The following PARN variants were observed in gnomAD, a reference collection of about 807,000 sequenced individuals.
PARN encodes the protein poly(A)-specific ribonuclease PARN.
Under a neutral mutation model 102.8 loss-of-function variants are expected in PARN, and 71 were observed. The ratio of observed to expected loss-of-function variants is 0.69; its 90% CI spans 0.57 to 0.84. The LOEUF is 0.84. Ranked by LOEUF, PARN falls within the 40% of genes least tolerant of loss-of-function variation. PARN has a pLI of 0.00. For synonymous variants in PARN, 261 were observed against 252.9 expected (o/e 1.03, Z -0.30); for missense variants, 782 against 760.9 (o/e 1.03, Z -0.33).
At chr16:14,551,738 G>T (rs1967315899) in intron 21 of PARN, among the ~76,000 whole-genome samples, 1 of 152,142 alleles carries the variant, frequency 6.6e-6, no homozygotes, top group African/African-American at 2.4e-5. Context: ...AAGTAAATCT[G>T]CAACTCACTT....
chr16:14,509,578 T>C (rs911721249), intron 21 of PARN, among the ~76,000 whole-genome samples: 3 of 152,188 alleles, frequency 2.0e-5, no homozygotes, highest in East Asian at 3.8e-4. Flanking sequence ...ATAAGATAGA[T>C]AACAAATTAT....
At position 14,627,127 on chromosome 16, in the gene PARN, T is replaced by C. The variant is rs774805226; in HGVS notation, c.306A>G (p.Pro102=). Residue 102 remains proline, a synonymous_variant, in exon 5 of 24, where the codon CCA becomes CCG. Coordinates refer to ENST00000437198, the MANE Select transcript of PARN (RefSeq NM_002582.4). ...VFPKPFNRSS[P]DVKFVCQSSS... is the part of the protein sequence containing the mutation. ...TTACCTGACAAACAAATTTGACATC[T>C]GGTGAGGATCTATTGAAGGGTTTCG... 1.4e-5 allele frequency: 22 copies of C among 1,599,626 alleles called. No homozygotes were observed. The highest frequency in any genetic ancestry group is 1.6e-4 in the Middle Eastern group (1 of 6,072).
intron 13 of PARN, among the ~76,000 whole-genome samples, chr16:14,587,980 C>G (rs1969961555): frequency 6.6e-6 from 1 of 152,200 alleles, no homozygotes; most frequent in Admixed American, 6.5e-5. Flanking sequence ...AATGGCTACA[C>G]CCCTTGTCCA....
chr16:14,591,048 G>A (rs963439902), intron 13 of PARN, among the ~76,000 whole-genome samples: 3 of 152,106 alleles, frequency 2.0e-5, no homozygotes, highest in Admixed American at 6.6e-5. Context: ...CCAGCACCCT[G>A]AGATCAGCTT....
intron 21 of PARN, among the ~76,000 whole-genome samples, chr16:14,500,198 G>A (rs11075240): frequency 0.16 from 24,604 of 152,010 alleles, 2,447 homozygotes; most frequent in Middle Eastern, 0.27. Flanking sequence ...TGGGACTACA[G>A]GAGCTTGCCA....
At position 14,610,668 on chromosome 16, in the gene PARN, T is replaced by C. The variant is rs772994032; in HGVS notation, c.530A>G (p.Gln177Arg). The stretch of plus-strand genomic sequence containing the variant: ...CACCACTTGGTCAATAAACTTCTTT[T>C]GATCCTCAGGAATCGTGACAGGACA... ...SKCPVTIPED[Q>R]KKFIDQVVEK... The change falls in exon 7 of 24, where the codon CAA (glutamine) becomes CGA (arginine). Residue 177 changes from glutamine (Q) to arginine (R), a missense_variant. Gln to Arg is a conservative substitution (Grantham distance 43, BLOSUM62 1). Transcript: ENST00000437198. 2.5e-5 allele frequency: 40 copies of C among 1,610,700 alleles called. No individual in the cohort carries two copies. Among genetic ancestry groups the C allele is most frequent in the Non-Finnish European group, 3.1e-5 (37 of 1,177,052 alleles).
intron 18 of PARN, among the ~76,000 whole-genome samples, chr16:14,568,008 G>A (rs1010416126): frequency 6.6e-6 from 1 of 152,080 alleles, no homozygotes; most frequent in African/African-American, 2.4e-5. Context: ...GGGCCACTTT[G>A]CTTCTATCAA....
At chr16:14,547,972 C>T (rs1310941916) in intron 21 of PARN, among the ~76,000 whole-genome samples, 1 of 152,068 alleles carries the variant, frequency 6.6e-6, no homozygotes, top group Non-Finnish European at 1.5e-5. Flanking sequence ...GGGCCGGGCG[C>T]GGTGGCTCAT....
At chr16:14,468,082 A>G (rs1326870885) in intron 22 of PARN, among the ~76,000 whole-genome samples, 2 of 152,210 alleles carry the variant, frequency 1.3e-5, no homozygotes, top group African/African-American at 2.4e-5. Context: ...GTGGCACAGA[A>G]GGCATCTCAC....
At chr16:14,611,146 T>C (rs867084154) in intron 6 of PARN, among the ~76,000 whole-genome samples, 3 of 152,178 alleles carry the variant, frequency 2.0e-5, no homozygotes, top group Admixed American at 1.3e-4. Context: ...ACCCAAAGGA[T>C]GAGAATAAGT....
chr16:14,629,372 C>T (rs1448783894), intron 2 of PARN, among the ~76,000 whole-genome samples: 1 of 152,242 alleles, frequency 6.6e-6, no homozygotes, highest in African/African-American at 2.4e-5. Context: ...TCAAAACCAT[C>T]ATCTCTATCT....
chr16:14,437,632 G>A (rs1448369277), intron 23 of PARN, among the ~76,000 whole-genome samples: 1 of 152,228 alleles, frequency 6.6e-6, no homozygotes, highest in Non-Finnish European at 1.5e-5. Context: ...AATGGAAAGT[G>A]TGGCCCGACC....
chr16:14,451,611 T>C (rs570827446), intron 22 of PARN, among the ~76,000 whole-genome samples: 49 of 151,676 alleles, frequency 3.2e-4, no homozygotes, highest in Non-Finnish European at 6.3e-4. Flanking sequence ...TTCAGAAGAA[T>C]GGTGGGTATG....
chr16:14,499,156 GC>G (rs1431352674), intron 21 of PARN, among the ~76,000 whole-genome samples: 2 of 152,198 alleles, frequency 1.3e-5, no homozygotes, highest in Non-Finnish European at 2.9e-5. Context: ...CCTTAAGTAA[GC>G]TGCTTCCCTG....
At chr16:14,516,849 C>T (rs1965486871) in intron 21 of PARN, among the ~76,000 whole-genome samples, 1 of 152,152 alleles carries the variant, frequency 6.6e-6, no homozygotes. Context: ...TATACAATGG[C>T]TATTTGCTCT....
At chr16:14,582,526 G>C (rs1969596783) in intron 16 of PARN, among the ~76,000 whole-genome samples, 1 of 152,092 alleles carries the variant, frequency 6.6e-6, no homozygotes, top group African/African-American at 2.4e-5. Flanking sequence ...AAAGGACTCA[G>C]CCGTGGGCTT....
chr16:14,440,389 T>C (rs928791210), intron 23 of PARN, among the ~76,000 whole-genome samples: 6 of 152,184 alleles, frequency 3.9e-5, no homozygotes, highest in Non-Finnish European at 8.8e-5. Flanking sequence ...GCTGAAGCCT[T>C]GTATACTGCT....
At chr16:14,505,987 T>C (rs1015706079) in intron 21 of PARN, among the ~76,000 whole-genome samples, 2 of 152,210 alleles carry the variant, frequency 1.3e-5, no homozygotes, top group Admixed American at 6.5e-5. Context: ...GCAGGAAGGC[T>C]ACAATGGAAA....
chr16:14,446,966 A>AATC lies in PARN; in HGVS notation c.1783_1785dup (p.Asp595dup). 1 of 1,613,742 alleles carries AATC rather than the reference A, an allele frequency of 6.2e-7. No homozygotes were observed. Among genetic ancestry groups the AATC allele is most frequent in the Middle Eastern group, 1.6e-4 (1 of 6,062 alleles). ...CCCTCTGAGAGGGGCTCTGCACAGG[A>AATC]ATCGGTCTGCTCAAGCTCAGTGTCG... On this transcript the variant is annotated inframe_insertion, in exon 23 of 24. Coordinates refer to ENST00000437198, the MANE Select transcript of PARN (RefSeq NM_002582.4).
Sources: gnomAD v4.1 joint callset for allele counts (sites outside exome capture counted in the v4.1 genomes callset) on GRCh38, gnomAD v4.1.1 for gene constraint, MANE v1.5 for transcripts, NCBI Gene and HGNC (gene_info 2026-07-23, HGNC 2026-07-21) for gene names.